PHF5A: variants seen among roughly 807,000 people sequenced by gnomAD.
PHF5A encodes the protein PHD finger protein 5A, also known as PHD finger-like domain-containing protein 5A.
For synonymous variants in PHF5A, 52 were observed against 46.0 expected (o/e 1.13, Z -0.52); for missense variants, 24 against 140.6 (o/e 0.17, Z 4.19).
chr22:41,467,191 CCA>C (rs1334702375), intron 3 of PHF5A, among the ~76,000 whole-genome samples: 1 of 152,060 alleles, frequency 6.6e-6, no homozygotes, highest in African/African-American at 2.4e-5. Context: ...ATAAGAATAA[CCA>C]CAGAGACATG....
intron 2 of PHF5A, chr22:41,467,903 T>C: frequency 3.2e-6 from 2 of 615,970 alleles, no homozygotes; most frequent in South Asian, 2.0e-5. Context: ...GGAGGGGTCA[T>C]GCTACTCTGG....
intron 3 of PHF5A, among the ~76,000 whole-genome samples, chr22:41,461,674 T>A (rs933135599): frequency 6.6e-6 from 1 of 151,462 alleles, no homozygotes; most frequent in African/African-American, 2.4e-5. Context: ...TATATTTTAT[T>A]TTTTTTTGAG....
At chr22:41,461,095 C>T (rs2146058932) in intron 3 of PHF5A, among the ~76,000 whole-genome samples, 1 of 152,198 alleles carries the variant, frequency 6.6e-6, no homozygotes, top group Non-Finnish European at 1.5e-5. Context: ...ATCGTTTGAA[C>T]CCAGGAGGCG....
At chr22:41,466,534 A>G (rs939386090) in intron 3 of PHF5A, among the ~76,000 whole-genome samples, 1 of 152,166 alleles carries the variant, frequency 6.6e-6, no homozygotes, top group African/African-American at 2.4e-5. Flanking sequence ...TGGGCTGTAC[A>G]GGACTTATAA....
Position 41,460,154 on chromosome 22 carries a change from A to T in PHF5A, c.*244T>A. On this transcript the variant is annotated 3_prime_UTR_variant, in exon 4 of 4. Coordinates refer to ENST00000216252, the MANE Select transcript of PHF5A (RefSeq NM_032758.4). Reference sequence around the variant, plus strand: ...ATCTTTGCTTCTCGAATTCAAGAAAAACCATTAACTAATCTATCAAGTTTT... The same window carrying T: ...ATCTTTGCTTCTCGAATTCAAGAAATACCATTAACTAATCTATCAAGTTTT... 2.9e-6 allele frequency: 1 copy of T among 345,890 alleles called. No individual in the cohort carries two copies. The allele number at this position is 345,890 out of a possible 1,614,324, so 21.4% of individuals were successfully genotyped here. A position where few individuals can be genotyped will look rare whatever the true frequency, so the allele number is the denominator to read the frequency against.
In PHF5A at chr22:41,461,912, C is replaced by T. The variant is rs551663683; in HGVS notation, c.244-1425G>A. On this transcript the variant is annotated intron_variant, in intron 3 of 3. Transcript: ENST00000216252. ...TCTTGACCTCCTGATCCACTCACCT[C>T]GGCCTCCTAAAGTGATGGGATTTCA... Among the ~76,000 whole-genome samples, 55 of 152,296 alleles carry T rather than the reference C, an allele frequency of 3.6e-4. No individual in the cohort carries two copies. In the South Asian group the frequency reaches 7.7e-3, roughly 21 times the overall value.
At chr22:41,465,883 AAAATAAATAAAT>A (rs576477151) in intron 3 of PHF5A, among the ~76,000 whole-genome samples, 1 of 152,004 alleles carries the variant, frequency 6.6e-6, no homozygotes, top group African/African-American at 2.4e-5. Flanking sequence ...TCCATCTCAA[AAAATAAATAAAT>A]AAATAAATAA....
chr22:41,461,508 G>A lies in PHF5A; in HGVS notation c.244-1021C>T, dbSNP rs140155973. Among the ~76,000 whole-genome samples the A allele has an allele frequency of 3.3e-3, 492 of 149,492 alleles. 4 individuals carry two copies. Among genetic ancestry groups the A allele is most frequent in the Middle Eastern group, 0.029 (8 of 280 alleles). Reference sequence around the variant, plus strand: ...GTAGCTGGGACTACAGGTACACGCCGCCATGCCCGGCTAATTTCTTTTGTA... The same window carrying A: ...GTAGCTGGGACTACAGGTACACGCCACCATGCCCGGCTAATTTCTTTTGTA... On this transcript the variant is annotated intron_variant, in intron 3 of 3. Coordinates refer to ENST00000216252, the MANE Select transcript of PHF5A (RefSeq NM_032758.4).
chr22:41,468,064 G>A, intron 2 of PHF5A, 60 bp downstream of exon 2: 1 of 1,583,884 alleles, frequency 6.3e-7, no homozygotes, highest in Non-Finnish European at 8.7e-7. Flanking sequence ...CACTTTTGCT[G>A]GTTCCACAGA....
rs571453921 is a variant in PHF5A at position 41,464,514 on chromosome 22, G to C, written c.243+2934C>G. 1.1e-4 allele frequency among the ~76,000 whole-genome samples: 17 copies of C among 152,294 alleles called. No homozygotes were observed. In the South Asian group the frequency reaches 2.1e-3, roughly 19 times the overall value. ...CTAGATTCCATCTCAAATGTCCTCA[G>C]AACATTCGTGTATAATGTGAAGTAG... is the stretch of plus-strand genomic sequence containing the variant. On this transcript the variant is annotated intron_variant, in intron 3 of 3. Transcript: ENST00000216252.
rs1364724135 is a variant in PHF5A at position 41,459,917 on chromosome 22, C to CA, written c.*480_*481insT. On this transcript the variant is annotated 3_prime_UTR_variant, in exon 4 of 4. Transcript: ENST00000216252. Reference sequence around the variant, plus strand: ...AGAGCCCTGCCCCCCCACCCCCCCCCCAAAAAAAACGGGAAATGCCTACAT... The same window carrying CA: ...AGAGCCCTGCCCCCCCACCCCCCCCCACAAAAAAAACGGGAAATGCCTACAT... 8.8e-6 allele frequency: 1 copy of CA among 113,482 alleles called. No individual in the cohort carries two copies. The highest frequency in any genetic ancestry group is 8.9e-5 in the Admixed American group (1 of 11,220). 7.0% of individuals were successfully genotyped at this position (113,482 alleles called of 1,614,324 possible).
At chr22:41,461,665 A>G (rs1348371378) in intron 3 of PHF5A, among the ~76,000 whole-genome samples, 1 of 148,912 alleles carries the variant, frequency 6.7e-6, no homozygotes, top group African/African-American at 2.5e-5. Flanking sequence ...GCCATACCTT[A>G]TATTTTATTT....
intron 1 of PHF5A, 148 bp from the exon 2 acceptor site, chr22:41,468,295 A>T (rs1028948978): frequency 1.3e-6 from 1 of 758,904 alleles, no homozygotes; most frequent in Admixed American, 2.6e-5. Flanking sequence ...ACAAATTTCC[A>T]TATGAACCAA....
At chr22:41,468,310 A>G (rs2037889678) in intron 1 of PHF5A, 163 bp from the exon 2 acceptor site, 1 of 684,164 alleles carries the variant, frequency 1.5e-6, no homozygotes, top group African/African-American at 1.8e-5. Context: ...AACCAAACCT[A>G]CATCCAAGCA....
chr22:41,468,481 CT>C, intron 1 of PHF5A, 120 bp downstream of exon 1: 2 of 1,192,640 alleles, frequency 1.7e-6, no homozygotes, highest in Non-Finnish European at 2.4e-6. Flanking sequence ...CACCCCGCGC[CT>C]GAGAGGCGGG....
chr22:41,467,429 T>C lies in PHF5A; in HGVS notation c.243+19A>G, dbSNP rs2037876909. 6.2e-7 allele frequency: 1 copy of C among 1,612,452 alleles called. No individual in the cohort carries two copies. Among genetic ancestry groups the C allele is most frequent in the Non-Finnish European group, 8.5e-7 (1 of 1,179,396 alleles). ...CTAAACAAAAGGAGGAAAGGTCAGATGGAAAGCTGTACACTTACGTCCTTC... is the reference window on the plus strand; with the variant it reads ...CTAAACAAAAGGAGGAAAGGTCAGACGGAAAGCTGTACACTTACGTCCTTC... On this transcript the variant is annotated intron_variant, in intron 3 of 3. Coordinates refer to ENST00000216252, the MANE Select transcript of PHF5A (RefSeq NM_032758.4).
At chr22:41,460,748 G>A (rs2037821150) in intron 3 of PHF5A, among the ~76,000 whole-genome samples, 1 of 151,396 alleles carries the variant, frequency 6.6e-6, no homozygotes, top group African/African-American at 2.4e-5. Flanking sequence ...TGGTCACAGA[G>A]TTCAAATTCT....
Position 41,460,362 on chromosome 22 carries a change from G to C in PHF5A, c.*36C>G. ...GGCATGTTTTCTGGCAGCTGCAGCA[G>C]ACTGATGTTGGGGGGAGGAAGGGGC... On this transcript the variant is annotated 3_prime_UTR_variant, in exon 4 of 4. Transcript: ENST00000216252. 1 of 1,527,280 alleles carries C rather than the reference G, an allele frequency of 6.5e-7. No homozygotes were observed. The allele number at this position is 1,527,280 out of a possible 1,614,324, so 94.6% of individuals were successfully genotyped here.
intron 3 of PHF5A, among the ~76,000 whole-genome samples, chr22:41,463,115 G>A (rs1276800214): frequency 6.6e-6 from 1 of 151,662 alleles, no homozygotes; most frequent in Non-Finnish European, 1.5e-5. Flanking sequence ...CTCATGATTC[G>A]CCTACCTGGG....
Sources: gnomAD v4.1 joint callset for allele counts (sites outside exome capture counted in the v4.1 genomes callset) on GRCh38, gnomAD v4.1.1 for gene constraint, MANE v1.5 for transcripts, NCBI Gene and HGNC (gene_info 2026-07-23, HGNC 2026-07-21) for gene names.